Variants in NEK7 observed in about 807,000 individuals in gnomAD.
The protein encoded by NEK7 is NIMA related kinase 7.
In NEK7, 18 loss-of-function variants were observed where a neutral mutation model predicts 44.6. The ratio of observed to expected loss-of-function variants is 0.40; its 90% confidence interval spans 0.28 to 0.60. The LOEUF (loss-of-function observed/expected upper bound fraction) is 0.60. Among genes scored for constraint, NEK7 ranks in the 20% least tolerant of loss-of-function variants. NEK7 has a pLI of 0.38. For synonymous variants in NEK7, 130 were observed against 121.1 expected, an observed-to-expected ratio of 1.07 and a Z score of -0.48; for missense variants, 256 against 366.5, an observed-to-expected ratio of 0.70 and a Z score of 2.46.
At chr1:198,262,843 G>A (rs961889159) in intron 4 of NEK7, among the ~76,000 whole-genome samples, 5 of 151,662 alleles carry the variant, frequency 3.3e-5, no homozygotes, top group Admixed American at 3.3e-4. Flanking sequence ...ACATTTGTAG[G>A]ACCAGCTTTT....
chr1:198,188,067 C>G (rs576269289), intron 1 of NEK7, among the ~76,000 whole-genome samples: 1 of 152,158 alleles, frequency 6.6e-6, no homozygotes, highest in East Asian at 1.9e-4. Context: ...TTTTTGGGTG[C>G]TGATCCCATC....
At chr1:198,288,082 C>T (rs1654434142) in intron 7 of NEK7, among the ~76,000 whole-genome samples, 1 of 152,184 alleles carries the variant, frequency 6.6e-6, no homozygotes, top group Non-Finnish European at 1.5e-5. Flanking sequence ...GTGCCAGGTG[C>T]CACCTGTGGT....
chr1:198,184,995 A>G (rs552586343), intron 1 of NEK7, among the ~76,000 whole-genome samples: 1 of 152,218 alleles, frequency 6.6e-6, no homozygotes, highest in African/African-American at 2.4e-5. Flanking sequence ...ACCAAAATAG[A>G]AAGATAGTGG....
chr1:198,171,565 G>A (rs1271059010), intron 1 of NEK7, among the ~76,000 whole-genome samples: 1 of 151,962 alleles, frequency 6.6e-6, no homozygotes, highest in East Asian at 1.9e-4. Context: ...TGTAATCCCA[G>A]CTACTCCAGA....
At chr1:198,223,784 G>A (rs1473602842) in intron 1 of NEK7, among the ~76,000 whole-genome samples, 2 of 152,040 alleles carry the variant, frequency 1.3e-5, no homozygotes, top group Non-Finnish European at 2.9e-5. Flanking sequence ...GGTATTTAAA[G>A]ACTTTTTGGA....
intron 1 of NEK7, among the ~76,000 whole-genome samples, chr1:198,224,866 T>C (rs1421799693): frequency 6.6e-6 from 1 of 151,972 alleles, no homozygotes; most frequent in Non-Finnish European, 1.5e-5. Context: ...TGGTGATACA[T>C]GTAGAAATAA....
chr1:198,217,865 C>T (rs1473964833), intron 1 of NEK7, among the ~76,000 whole-genome samples: 2 of 146,192 alleles, frequency 1.4e-5, no homozygotes, highest in East Asian at 3.9e-4. Context: ...AAGCCCCAAG[C>T]CTAGGAATAT....
chr1:198,165,414 C>T (rs541961845), intron 1 of NEK7, among the ~76,000 whole-genome samples: 1 of 152,270 alleles, frequency 6.6e-6, no homozygotes, highest in African/African-American at 2.4e-5. Context: ...GTGGATTATT[C>T]CTTGATCCGT....
intron 9 of NEK7, among the ~76,000 whole-genome samples, chr1:198,303,201 A>G (rs576901828): frequency 6.6e-6 from 1 of 152,300 alleles, no homozygotes; most frequent in South Asian, 2.1e-4. Flanking sequence ...AACCAAGCAT[A>G]TATCTCAAGA....
At chr1:198,317,886 T>TTA (rs1558109596) in intron 9 of NEK7, among the ~76,000 whole-genome samples, 2 of 142,544 alleles carry the variant, frequency 1.4e-5, no homozygotes, top group Non-Finnish European at 1.5e-5. Context: ...TATTTTTTTT[T>TTA]TTTTTTTTTT....
In NEK7 at chr1:198,290,657, T is replaced by G. The variant is rs1654525910; in HGVS notation, c.590-2288T>G. Among the ~76,000 whole-genome samples, 3 of 152,178 alleles carry G rather than the reference T, an allele frequency of 2.0e-5. No homozygotes were observed. In the South Asian group the frequency reaches 6.2e-4, roughly 31 times the overall value. On this transcript the variant is annotated intron_variant, in intron 7 of 9. Transcript: ENST00000367385. ...GAATTTATCCTATTAATAATTATAG[T>G]GCAGAATACAAAGTTACTCATCTTA...
intron 9 of NEK7, among the ~76,000 whole-genome samples, chr1:198,305,753 G>A (rs986655456): frequency 2.8e-4 from 42 of 152,092 alleles, no homozygotes; most frequent in African/African-American, 9.4e-4. Flanking sequence ...TGCAGAACTC[G>A]AGAGAAAATT....
intron 1 of NEK7, among the ~76,000 whole-genome samples, chr1:198,204,229 C>T (rs1665521706): frequency 6.6e-6 from 1 of 152,098 alleles, no homozygotes; most frequent in Non-Finnish European, 1.5e-5. Flanking sequence ...CACTGCACTC[C>T]AGCCCGTGTG....
intron 9 of NEK7, among the ~76,000 whole-genome samples, chr1:198,315,014 G>A (rs1571625746): frequency 2.0e-5 from 3 of 152,138 alleles, no homozygotes; most frequent in African/African-American, 4.8e-5. Flanking sequence ...GGGCAATGGC[G>A]GGCGCCCCTC....
At chr1:198,188,760 A>G (rs1664987479) in intron 1 of NEK7, among the ~76,000 whole-genome samples, 1 of 152,192 alleles carries the variant, frequency 6.6e-6, no homozygotes, top group African/African-American at 2.4e-5. Flanking sequence ...TAGTAATACT[A>G]TATCTGAGTT....
At chr1:198,178,089 G>A (rs1294715395) in intron 1 of NEK7, among the ~76,000 whole-genome samples, 3 of 152,008 alleles carry the variant, frequency 2.0e-5, no homozygotes, top group Non-Finnish European at 4.4e-5. Context: ...TTCTTAGAAC[G>A]AATCAACCTA....
At chr1:198,208,005 A>T (rs1665649189) in intron 1 of NEK7, among the ~76,000 whole-genome samples, 1 of 152,160 alleles carries the variant, frequency 6.6e-6, no homozygotes, top group African/African-American at 2.4e-5. Context: ...CATGTATTTC[A>T]ATTTTAGATA....
chr1:198,294,971 C>T (rs1475520328), intron 8 of NEK7, among the ~76,000 whole-genome samples: 4 of 151,862 alleles, frequency 2.6e-5, no homozygotes, highest in Non-Finnish European at 4.4e-5. Context: ...CATAACATCA[C>T]GTATTTTGTA....
intron 9 of NEK7, among the ~76,000 whole-genome samples, 163 bp from the exon 10 acceptor site, chr1:198,319,249 G>T (rs1308021048): frequency 6.6e-6 from 1 of 152,172 alleles, no homozygotes; most frequent in African/African-American, 2.4e-5. Context: ...CTTATTGTAA[G>T]ATCATTGGCA....
Sources: allele counts gnomAD v4.1 joint callset (sites outside exome capture counted in the v4.1 genomes callset), GRCh38; gene constraint gnomAD v4.1.1; transcripts MANE v1.5; gene names NCBI Gene and HGNC (gene_info 2026-07-23, HGNC 2026-07-21).